CTNND2: variants seen among roughly 807,000 people sequenced by gnomAD.
CTNND2 encodes catenin delta 2, also known as catenin delta-2.
A neutral mutation model predicts 144.4 loss-of-function variants in CTNND2; 22 were observed. The observed-to-expected ratio is 0.15, with a 90% CI of 0.11 to 0.22. The LOEUF is 0.22. Among genes scored for constraint, CTNND2 ranks in the 10% least tolerant of loss-of-function variants. CTNND2 has a pLI of 1.00. For synonymous variants in CTNND2, 751 were observed against 695.6 expected (o/e 1.08, Z -1.25); for missense variants, 1,353 against 1,618.8 (o/e 0.84, Z 2.82).
At chr5:11,280,401 T>C (rs1746993447) in intron 9 of CTNND2, among the ~76,000 whole-genome samples, 1 of 152,194 alleles carries the variant, frequency 6.6e-6, no homozygotes, top group African/African-American at 2.4e-5. Context: ...CGGAGGGTGG[T>C]TAAGTCCACA....
At chr5:11,774,916 C>T (rs1465002540) in intron 1 of CTNND2, among the ~76,000 whole-genome samples, 1 of 152,122 alleles carries the variant, frequency 6.6e-6, no homozygotes, top group African/African-American at 2.4e-5. Context: ...CATACAACAC[C>T]GTTCAGCTGG....
chr5:11,585,557 C>T (rs1778795761), intron 2 of CTNND2, among the ~76,000 whole-genome samples: 1 of 151,350 alleles, frequency 6.6e-6, no homozygotes, highest in Non-Finnish European at 1.5e-5. Flanking sequence ...AGTAAATACA[C>T]CAGGCACAGC....
chr5:11,242,996 T>A (rs928218780), intron 9 of CTNND2, among the ~76,000 whole-genome samples: 6 of 152,214 alleles, frequency 3.9e-5, no homozygotes, highest in African/African-American at 1.2e-4. Context: ...TCTAGTAATT[T>A]TTACTTTAAG....
At chr5:11,107,221 T>TAG (rs1752509885) in intron 14 of CTNND2, among the ~76,000 whole-genome samples, 1 of 152,204 alleles carries the variant, frequency 6.6e-6, no homozygotes, top group Non-Finnish European at 1.5e-5. Context: ...GTTAGTGCTA[T>TAG]TTTACTCACA....
intron 1 of CTNND2, among the ~76,000 whole-genome samples, chr5:11,872,908 C>T (rs1735266299): frequency 1.3e-5 from 2 of 152,086 alleles, no homozygotes; most frequent in Non-Finnish European, 2.9e-5. Flanking sequence ...AGAAGAAAAC[C>T]TAGGCAATAC....
chr5:11,697,045 G>A (rs528772281), intron 2 of CTNND2, among the ~76,000 whole-genome samples: 2 of 152,284 alleles, frequency 1.3e-5, no homozygotes, highest in East Asian at 3.9e-4. Flanking sequence ...AAATAATTCA[G>A]CCATTATAGG....
intron 7 of CTNND2, among the ~76,000 whole-genome samples, chr5:11,366,684 A>G (rs893879123): frequency 2.0e-5 from 3 of 152,042 alleles, no homozygotes; most frequent in Non-Finnish European, 4.4e-5. Context: ...TAAAAATAAA[A>G]AAAAAAAACA....
rs191464792 is a variant in CTNND2 at position 11,153,889 on chromosome 5, A to G, written c.2159+5687T>C. 2.0e-5 allele frequency among the ~76,000 whole-genome samples: 3 copies of G among 152,342 alleles called. No homozygotes were observed. The East Asian group carries it at 5.8e-4, about 29-fold the overall frequency. ...GCTGGAGATAAAGTCCTAAGTATCC[A>G]TGACTAAATATAATGCGACTATACA... On this transcript the variant is annotated intron_variant, in intron 12 of 21. Transcript: ENST00000304623.
At chr5:11,827,023 A>G in intron 1 of CTNND2, among the ~76,000 whole-genome samples, 1 of 152,224 alleles carries the variant, frequency 6.6e-6, no homozygotes, top group East Asian at 1.9e-4. Context: ...AGCAGAATAA[A>G]TATTATTTAA....
intron 1 of CTNND2, among the ~76,000 whole-genome samples, chr5:11,859,038 G>GA (rs1343892718): frequency 1.3e-5 from 2 of 152,182 alleles, no homozygotes; most frequent in Non-Finnish European, 2.9e-5. Context: ...TTGTTAATTG[G>GA]AAAAACCCAA....
At chr5:11,481,679 C>CAG (rs574200228) in intron 3 of CTNND2, among the ~76,000 whole-genome samples, 16 of 150,702 alleles carry the variant, frequency 1.1e-4, no homozygotes, top group African/African-American at 2.2e-4. Flanking sequence ...AAGAGAGAGA[C>CAG]AGAGAGAGAG....
chr5:11,845,899 A>G (rs569576084), intron 1 of CTNND2, among the ~76,000 whole-genome samples: 2 of 152,316 alleles, frequency 1.3e-5, no homozygotes, highest in East Asian at 3.9e-4. Context: ...AAAAGCATAA[A>G]TGCCTAAAAT....
chr5:11,311,749 TCA>T (rs1304634215), intron 9 of CTNND2, among the ~76,000 whole-genome samples: 8 of 117,380 alleles, frequency 6.8e-5, no homozygotes, highest in Non-Finnish European at 1.0e-4. Flanking sequence ...GCCCATATGC[TCA>T]CACACTCACT....
chr5:11,279,313 C>A (rs1158383026), intron 9 of CTNND2, among the ~76,000 whole-genome samples: 2 of 152,170 alleles, frequency 1.3e-5, no homozygotes, highest in Admixed American at 6.5e-5. Context: ...TCCAGCAGCT[C>A]AATTAATGGC....
At chr5:11,377,052 C>G (rs1758009475) in intron 7 of CTNND2, among the ~76,000 whole-genome samples, 1 of 124,558 alleles carries the variant, frequency 8.0e-6, no homozygotes, top group African/African-American at 2.9e-5. Flanking sequence ...GTGTTTTTGT[C>G]TCCTTTTTTT....
chr5:11,311,723 C>T (rs1432247929), intron 9 of CTNND2, among the ~76,000 whole-genome samples: 1 of 147,240 alleles, frequency 6.8e-6, no homozygotes, highest in Non-Finnish European at 1.5e-5. Flanking sequence ...ACTCCCCATG[C>T]ACCCTCACCT....
intron 15 of CTNND2, among the ~76,000 whole-genome samples, chr5:11,089,415 C>A (rs957270497): frequency 2.6e-5 from 4 of 152,192 alleles, no homozygotes; most frequent in African/African-American, 4.8e-5. Flanking sequence ...ACTGCTATAG[C>A]AGCATCTGTA....
At chr5:11,748,775 T>A (rs923002511) in intron 1 of CTNND2, among the ~76,000 whole-genome samples, 9 of 152,072 alleles carry the variant, frequency 5.9e-5, no homozygotes, top group Non-Finnish European at 1.0e-4. Context: ...TTTGGGAGTA[T>A]GTGATAATTT....
At chr5:11,100,407 A>T (rs185413765) in intron 14 of CTNND2, among the ~76,000 whole-genome samples, 161 of 152,274 alleles carry the variant, frequency 1.1e-3, no homozygotes, top group East Asian at 6.4e-3. Flanking sequence ...ACTGCCTATC[A>T]ATAAAACCAA....
Sources: gnomAD v4.1 joint callset for allele counts (sites outside exome capture counted in the v4.1 genomes callset) on GRCh38, gnomAD v4.1.1 for gene constraint, MANE v1.5 for transcripts, NCBI Gene and HGNC (gene_info 2026-07-23, HGNC 2026-07-21) for gene names.